Variants in SNX30 observed in about 807,000 individuals in gnomAD.
SNX30 encodes sorting nexin family member 30.
A neutral mutation model predicts 46.4 loss-of-function variants in SNX30; 24 were observed. The ratio of observed to expected loss-of-function variants is 0.52; its 90% CI spans 0.37 to 0.73. SNX30 has a LOEUF of 0.73. Ranked by LOEUF, SNX30 falls within the 30% of genes least tolerant of loss-of-function variation. SNX30 has a pLI of 0.00. For missense variants in SNX30, 533 were observed against 555.7 expected, an observed-to-expected ratio of 0.96 and a Z score of 0.41; for synonymous variants, 189 against 211.5, an observed-to-expected ratio of 0.89 and a Z score of 0.92.
chr9:112,791,164 TC>T (rs1840013200), intron 1 of SNX30, among the ~76,000 whole-genome samples: 1 of 152,122 alleles, frequency 6.6e-6, no homozygotes, highest in African/African-American at 2.4e-5. Flanking sequence ...GAATATTTTG[TC>T]ACCCCAAAAA....
downstream of SNX30, chr9:112,879,037 C>T (rs1195650832): frequency 6.6e-6 from 1 of 152,156 alleles, no homozygotes; most frequent in Non-Finnish European, 1.5e-5. Context: ...TCCTTCACAC[C>T]ACCCACTTTG....
chr9:112,820,807 G>A (rs965082903), intron 3 of SNX30, among the ~76,000 whole-genome samples: 1 of 152,020 alleles, frequency 6.6e-6, no homozygotes, highest in Admixed American at 6.6e-5. Context: ...TTGTTACTGG[G>A]TTTTTTCACT....
rs1017056291 is a variant in SNX30, at chr9:112,869,454, A to T, written c.*611A>T. On this transcript the variant is annotated 3_prime_UTR_variant, in exon 9 of 9. Transcript: ENST00000374232. Reference sequence around the variant, plus strand: ...TTTCTGTTTCACATAGGGACATTTAAATCAATGTCAATGTGCGTCCATGCT... The same window carrying T: ...TTTCTGTTTCACATAGGGACATTTATATCAATGTCAATGTGCGTCCATGCT... 1 of 153,078 alleles carries T rather than the reference A, an allele frequency of 6.5e-6. No homozygotes were observed. Among genetic ancestry groups the T allele is most frequent in the Non-Finnish European group, 1.5e-5 (1 of 68,688 alleles). The allele number at this position is 153,078 out of a possible 1,614,324, so 9.5% of individuals were successfully genotyped here.
At chr9:112,797,705 C>G (rs1441863953) in intron 1 of SNX30, among the ~76,000 whole-genome samples, 2 of 70,698 alleles carry the variant, frequency 2.8e-5, no homozygotes, top group East Asian at 4.1e-4. Flanking sequence ...TTTTCTTTTT[C>G]TTTTTCTTTT....
chr9:112,766,222 C>T (rs1008085933), intron 1 of SNX30, among the ~76,000 whole-genome samples: 1 of 152,290 alleles, frequency 6.6e-6, no homozygotes, highest in East Asian at 1.9e-4. Context: ...ACCAGTATCT[C>T]TCCTTTTCCT....
chr9:112,820,158 C>CT (rs1480405985), intron 3 of SNX30, among the ~76,000 whole-genome samples: 1 of 152,198 alleles, frequency 6.6e-6, no homozygotes, highest in Non-Finnish European at 1.5e-5. Flanking sequence ...TCCAGAATAT[C>CT]TTTAAGTGTG....
intron 1 of SNX30, among the ~76,000 whole-genome samples, chr9:112,770,423 G>A (rs1001421752): frequency 6.6e-6 from 1 of 151,654 alleles, no homozygotes; most frequent in Admixed American, 6.6e-5. Flanking sequence ...TGCCCACCTC[G>A]TCCCCCCAAA....
At chr9:112,826,796 C>T (rs940730667) in intron 3 of SNX30, among the ~76,000 whole-genome samples, 12 of 152,028 alleles carry the variant, frequency 7.9e-5, no homozygotes, top group Admixed American at 2.6e-4. Context: ...CCTAAAGGAA[C>T]GGGGGAGAGA....
At chr9:112,795,795 A>ACACACACG (rs1564272348) in intron 1 of SNX30, among the ~76,000 whole-genome samples, 1 of 150,858 alleles carries the variant, frequency 6.6e-6, no homozygotes, top group African/African-American at 2.5e-5. Context: ...ACACACACAC[A>ACACACACG]CGCACACATG....
intron 2 of SNX30, among the ~76,000 whole-genome samples, chr9:112,814,432 G>C (rs1272203043): frequency 6.6e-6 from 1 of 152,006 alleles, no homozygotes; most frequent in Non-Finnish European, 1.5e-5. Flanking sequence ...GTAGAGACAG[G>C]GTTTTGCCAT....
intron 3 of SNX30, among the ~76,000 whole-genome samples, chr9:112,819,988 A>G (rs1418515009): frequency 6.6e-6 from 1 of 152,170 alleles, no homozygotes; most frequent in African/African-American, 2.4e-5. Flanking sequence ...TATAGCCCAC[A>G]CCATGCATCA....
At chr9:112,857,389 G>A (rs1451745031) in intron 7 of SNX30, among the ~76,000 whole-genome samples, 2 of 152,134 alleles carry the variant, frequency 1.3e-5, no homozygotes, top group Admixed American at 6.5e-5. Flanking sequence ...AGCTCAAATA[G>A]ACACTGAAAA....
At chr9:112,784,819 C>T (rs761743256) in intron 1 of SNX30, among the ~76,000 whole-genome samples, 28 of 152,286 alleles carry the variant, frequency 1.8e-4, no homozygotes, top group Non-Finnish European at 3.2e-4. Flanking sequence ...AAGCCTTCCT[C>T]GGAGAACAGA....
intron 7 of SNX30, among the ~76,000 whole-genome samples, chr9:112,853,300 T>C (rs10759598): frequency 0.8 from 121,647 of 152,192 alleles, 48,808 homozygotes; most frequent in South Asian, 0.87. Context: ...TGTCAGCCTT[T>C]TTCCATCCTG....
At chr9:112,879,901 A>C, downstream of SNX30, 1 of 1,350,096 alleles carries the variant, frequency 7.4e-7, no homozygotes, top group Non-Finnish European at 1.1e-6. Context: ...GGTTAATGAT[A>C]ATTACAAGCC....
chr9:112,756,907 G>T (rs1210572419), intron 1 of SNX30, among the ~76,000 whole-genome samples: 2 of 152,126 alleles, frequency 1.3e-5, no homozygotes, highest in Non-Finnish European at 2.9e-5. Flanking sequence ...TGATGTTATG[G>T]GATACACATA....
intron 2 of SNX30, among the ~76,000 whole-genome samples, chr9:112,809,059 A>G (rs540748817): frequency 2.6e-5 from 4 of 151,520 alleles, no homozygotes; most frequent in South Asian, 2.1e-4. Flanking sequence ...AATAAATATT[A>G]ATAATCTTGC....
intron 1 of SNX30, among the ~76,000 whole-genome samples, chr9:112,763,027 G>T (rs1157743560): frequency 2.0e-5 from 3 of 152,180 alleles, no homozygotes; most frequent in Non-Finnish European, 4.4e-5. Context: ...GGGCAGAGGA[G>T]GTTCAGTGGC....
chr9:112,855,011 A>G (rs10481671), intron 7 of SNX30, among the ~76,000 whole-genome samples: 110,662 of 152,146 alleles, frequency 0.73, 41,215 homozygotes, highest in Non-Finnish European at 0.8. Context: ...ATATTTTAAG[A>G]AGTCCCTTTT....
Sources: gnomAD v4.1 joint callset for allele counts (sites outside exome capture counted in the v4.1 genomes callset) on GRCh38, gnomAD v4.1.1 for gene constraint, MANE v1.5 for transcripts, NCBI Gene and HGNC (gene_info 2026-07-23, HGNC 2026-07-21) for gene names.